Variants in ADAMTS20 observed in about 807,000 individuals in gnomAD.
ADAMTS20 encodes the protein A disintegrin and metalloproteinase with thrombospondin motifs 20.
In ADAMTS20, 225 loss-of-function variants were observed where a neutral mutation model predicts 260.1. The observed-to-expected ratio is 0.87, with a 90% CI of 0.78 to 0.97. The LOEUF (loss-of-function observed/expected upper bound fraction) is 0.97. Among genes scored for constraint, ADAMTS20 ranks in the 50% least tolerant of loss-of-function variants. The probability of loss-of-function intolerance (pLI) is 0.00; values close to 1 mark genes in which losing one functional copy is unlikely to be tolerated. For synonymous variants in ADAMTS20, 802 were observed against 769.5 expected (o/e 1.04, Z -0.70); for missense variants, 2,400 against 2,337.7 (o/e 1.03, Z -0.55).
At chr12:43,366,002 A>T (rs1939977895) in intron 37 of ADAMTS20, among the ~76,000 whole-genome samples, 1 of 151,862 alleles carries the variant, frequency 6.6e-6, no homozygotes, top group Admixed American at 6.6e-5. Context: ...AAACATATAG[A>T]AAACAAAAAG....
chr12:43,376,288 T>C lies in ADAMTS20; in HGVS notation c.5168A>G (p.His1723Arg), dbSNP rs145199935. 1.3e-6 allele frequency: 2 copies of C among 1,556,126 alleles called. No homozygotes were observed. Among genetic ancestry groups the C allele is most frequent in the Non-Finnish European group, 1.7e-6 (2 of 1,148,528 alleles). The change falls in exon 34 of 39, where the codon CAC (histidine) becomes CGC (arginine). Residue 1723 changes from histidine to arginine, a missense_variant. Physicochemically the swap from His to Arg is conservative, Grantham distance 29. Coordinates refer to ENST00000389420, the MANE Select transcript of ADAMTS20 (RefSeq NM_025003.5). ...TTCKEIQVKN[H>R]IRKDGDYYLN... Reference sequence around the variant, plus strand: ...GTAATAGTCACCATCCTTTCTAATGTGGTTTTTCACTTGAATTTCTTTGCA... The same window carrying C: ...GTAATAGTCACCATCCTTTCTAATGCGGTTTTTCACTTGAATTTCTTTGCA...
At chr12:43,527,182 C>A (rs1169787899) in intron 3 of ADAMTS20, among the ~76,000 whole-genome samples, 1 of 152,062 alleles carries the variant, frequency 6.6e-6, no homozygotes, top group Non-Finnish European at 1.5e-5. Context: ...TGCAGTAAAA[C>A]TGAATCAGTA....
intron 7 of ADAMTS20, among the ~76,000 whole-genome samples, chr12:43,476,903 A>G (rs1942363458): frequency 6.6e-6 from 1 of 150,764 alleles, no homozygotes; most frequent in Non-Finnish European, 1.5e-5. Flanking sequence ...CTAGATGACG[A>G]GTTAGTGGGT....
intron 31 of ADAMTS20, among the ~76,000 whole-genome samples, chr12:43,378,469 T>C (rs1196525243): frequency 6.6e-6 from 1 of 152,096 alleles, no homozygotes; most frequent in African/African-American, 2.4e-5. Context: ...AGGAAATAGG[T>C]AAAGTACTCA....
chr12:43,407,109 A>G (rs1408747205), intron 28 of ADAMTS20, among the ~76,000 whole-genome samples: 1 of 152,076 alleles, frequency 6.6e-6, no homozygotes, highest in African/African-American at 2.4e-5. Context: ...TTCAGCTCTA[A>G]TAAGCCAAGA....
At chr12:43,451,091 T>C (rs1941856412) in intron 14 of ADAMTS20, among the ~76,000 whole-genome samples, 1 of 152,192 alleles carries the variant, frequency 6.6e-6, no homozygotes, top group Admixed American at 6.5e-5. Flanking sequence ...TGGTATATTA[T>C]TCAGCCATAA....
rs539442819 is a variant in ADAMTS20 at position 43,390,513 on chromosome 12, G to A, written c.4453-6536C>T. ...TCTATTAGCAGTCAAGAGAAGCCAAGTTGCACCTTCAATACTTTGCTTAGA... is the reference window on the plus strand; with the variant it reads ...TCTATTAGCAGTCAAGAGAAGCCAAATTGCACCTTCAATACTTTGCTTAGA... On this transcript the variant is annotated intron_variant, in intron 29 of 38. Coordinates refer to ENST00000389420, the MANE Select transcript of ADAMTS20 (RefSeq NM_025003.5). 2.9e-4 allele frequency among the ~76,000 whole-genome samples: 44 copies of A among 152,254 alleles called. No homozygotes were observed. The South Asian group carries it at 8.1e-3, about 28-fold the overall frequency.
In ADAMTS20 at chr12:43,377,466, T is replaced by G; in HGVS notation, c.4894A>C (p.Ile1632Leu). The change falls in exon 32 of 39, where the codon ATA becomes CTA. Residue 1632 changes from isoleucine to leucine, a missense_variant. Coordinates refer to ENST00000389420, the MANE Select transcript of ADAMTS20 (RefSeq NM_025003.5). ...KKHKLHRLRP[I>L]VYQECPVVPS... Reference sequence around the variant, plus strand: ...ACCACAGGGCATTCTTGATAAACTATAGGCCGAAGTCGATGGAGCTTATGT... The same window carrying G: ...ACCACAGGGCATTCTTGATAAACTAGAGGCCGAAGTCGATGGAGCTTATGT... 1 of 1,613,750 alleles carries G rather than the reference T, an allele frequency of 6.2e-7. No homozygotes were observed. Among genetic ancestry groups the G allele is most frequent in the Non-Finnish European group, 8.5e-7 (1 of 1,179,766 alleles).
chr12:43,479,760 G>T (rs919918837), intron 7 of ADAMTS20, among the ~76,000 whole-genome samples: 2 of 151,964 alleles, frequency 1.3e-5, no homozygotes, highest in Non-Finnish European at 2.9e-5. Context: ...AATCAGTTAA[G>T]CAATCAACTT....
chr12:43,505,745 T>G (rs1184566920), intron 3 of ADAMTS20, among the ~76,000 whole-genome samples: 3 of 152,178 alleles, frequency 2.0e-5, no homozygotes, highest in Non-Finnish European at 1.5e-5. Context: ...TGGATGTTCC[T>G]TAAGAAATAA....
chr12:43,546,884 A>G (rs1301515461), intron 2 of ADAMTS20, among the ~76,000 whole-genome samples: 1 of 152,192 alleles, frequency 6.6e-6, no homozygotes, highest in Non-Finnish European at 1.5e-5. Flanking sequence ...GAAAATAAAA[A>G]TTATAGAGAA....
intron 18 of ADAMTS20, 138 bp from the exon 19 acceptor site, chr12:43,434,509 T>TC: frequency 1.4e-6 from 1 of 715,754 alleles, no homozygotes; most frequent in South Asian, 2.3e-5. Context: ...CAGGATATAC[T>TC]AGTATATTAA....
At chr12:43,446,555 C>T in intron 15 of ADAMTS20, 40 bp downstream of exon 15, 2 of 1,507,918 alleles carry the variant, frequency 1.3e-6, no homozygotes, top group South Asian at 1.1e-5. Context: ...CATTATTATA[C>T]TAAATAAAAG....
chr12:43,453,030 A>G (rs1200871999), intron 12 of ADAMTS20, among the ~76,000 whole-genome samples: 2 of 152,222 alleles, frequency 1.3e-5, no homozygotes, highest in Non-Finnish European at 2.9e-5. Context: ...GTGGTGAGCC[A>G]AAGACAATAA....
chr12:43,492,853 A>C (rs1942624256), intron 5 of ADAMTS20, among the ~76,000 whole-genome samples: 1 of 152,128 alleles, frequency 6.6e-6, no homozygotes, highest in South Asian at 2.1e-4. Context: ...ACCATCCAAT[A>C]TTTAGGAAAA....
chr12:43,492,665 T>C, intron 5 of ADAMTS20, 36 bp from the exon 6 acceptor site: 1 of 1,608,206 alleles, frequency 6.2e-7, no homozygotes. Context: ...TATGTCAAAA[T>C]ATTAACGTCC....
intron 28 of ADAMTS20, chr12:43,423,970 T>A: frequency 1.5e-6 from 1 of 687,588 alleles, no homozygotes. Flanking sequence ...CAGTCACACT[T>A]TGACTATAAA....
intron 18 of ADAMTS20, among the ~76,000 whole-genome samples, chr12:43,438,463 C>T (rs181046302): frequency 5.9e-5 from 9 of 152,246 alleles, no homozygotes; most frequent in East Asian, 1.9e-4. Context: ...CTATTATCCC[C>T]GTCTATCTTG....
At chr12:43,392,332 T>C (rs1278944698) in intron 29 of ADAMTS20, among the ~76,000 whole-genome samples, 1 of 152,084 alleles carries the variant, frequency 6.6e-6, no homozygotes, top group African/African-American at 2.4e-5. Context: ...AAAAATAGTT[T>C]ATAAAACACA....
Sources: gnomAD v4.1 joint callset for allele counts (sites outside exome capture counted in the v4.1 genomes callset) on GRCh38, gnomAD v4.1.1 for gene constraint, MANE v1.5 for transcripts, NCBI Gene and HGNC (gene_info 2026-07-23, HGNC 2026-07-21) for gene names.